The following ARSJ variants were observed in gnomAD, a reference collection of about 807,000 sequenced individuals.
The protein encoded by ARSJ is arylsulfatase J.
In ARSJ, 26 loss-of-function variants were observed where a neutral mutation model predicts 35.9. The ratio of observed to expected loss-of-function variants is 0.72; its 90% CI spans 0.53 to 1.00. The LOEUF (loss-of-function observed/expected upper bound fraction) is 1.00, where lower values mean the gene tolerates loss of function less well. ARSJ is among the 50% of genes least tolerant of loss of function. The probability of loss-of-function intolerance (pLI) is 0.00; values close to 1 mark genes in which losing one functional copy is unlikely to be tolerated. For synonymous variants in ARSJ, 294 were observed against 267.6 expected (o/e 1.10, Z -0.96); for missense variants, 667 against 723.6 (o/e 0.92, Z 0.90).
chr4:113,902,861 C>T lies in ARSJ; in HGVS notation c.1213G>A (p.Glu405Lys). 6.2e-7 allele frequency: 1 copy of T among 1,614,150 alleles called. No individual in the cohort carries two copies. The highest frequency in any genetic ancestry group is 8.5e-7 in the Non-Finnish European group (1 of 1,180,030). The change falls in exon 2 of 2, where the codon GAG becomes AAG. Residue 405 changes from glutamate (E) to lysine (K), a missense_variant. Physicochemically the swap from Glu to Lys is moderately conservative, Grantham distance 56. Transcript: ENST00000315366. ...DIQLDGYDIWETISEGLRSPR... is the reference protein window; with the variant it reads ...DIQLDGYDIWKTISEGLRSPR... ...GAGCGAAGACCCTCACTTATGGTCT[C>T]CCAGATATCATAGCCATCTAGTTGA...
intron 1 of ARSJ, among the ~76,000 whole-genome samples, chr4:113,939,846 G>A (rs952231055): frequency 3.3e-5 from 5 of 151,970 alleles, no homozygotes; most frequent in Non-Finnish European, 5.9e-5. Context: ...AGTAGGTTGC[G>A]AAAATTTTCT....
In ARSJ at chr4:113,902,817, C is replaced by T; in HGVS notation, c.1257G>A (p.Leu419=). 1 of 1,614,176 alleles carries T rather than the reference C, an allele frequency of 6.2e-7. No individual in the cohort carries two copies. Among genetic ancestry groups the T allele is most frequent in the Non-Finnish European group, 8.5e-7 (1 of 1,180,032 alleles). Residue 419 remains leucine (L), a synonymous_variant, in exon 2 of 2, where the codon TTG becomes TTA. Coordinates refer to ENST00000315366, the MANE Select transcript of ARSJ (RefSeq NM_024590.4). Reference sequence around the variant, plus strand: ...TGGTGTATATGGGGTCAATGTTATGCAAAATATCTACTCGGGGTGAGCGAA... The same window carrying T: ...TGGTGTATATGGGGTCAATGTTATGTAAAATATCTACTCGGGGTGAGCGAA... ...EGLRSPRVDI[L]HNIDPIYTKA... is the part of the protein sequence containing the mutation.
intron 1 of ARSJ, among the ~76,000 whole-genome samples, chr4:113,921,030 A>G (rs778599289): frequency 1.3e-4 from 19 of 151,930 alleles, no homozygotes; most frequent in Non-Finnish European, 2.1e-4. Flanking sequence ...GAGTTGATTT[A>G]GATTCATCCA....
At chr4:113,904,211 G>A (rs964897683) in intron 1 of ARSJ, among the ~76,000 whole-genome samples, 9 of 152,064 alleles carry the variant, frequency 5.9e-5, no homozygotes, top group African/African-American at 1.7e-4. Context: ...TTACAGGTGC[G>A]AAGCCACTGT....
At chr4:113,936,986 A>G (rs997948320) in intron 1 of ARSJ, among the ~76,000 whole-genome samples, 1 of 151,970 alleles carries the variant, frequency 6.6e-6, no homozygotes, top group Non-Finnish European at 1.5e-5. Context: ...GCAATCTTGT[A>G]AAATTCAAAA....
chr4:113,935,888 C>A lies in ARSJ; in HGVS notation c.399-32213G>T, dbSNP rs966839820. ...TTCCATTAGGTAGCTGCTTCCCACA[C>A]TTCATATATAGGCACTTGAATGTGT... On this transcript the variant is annotated intron_variant, in intron 1 of 1. Coordinates refer to ENST00000315366, the MANE Select transcript of ARSJ (RefSeq NM_024590.4). Among the ~76,000 whole-genome samples the A allele has an allele frequency of 3.9e-5, 6 of 151,966 alleles. No homozygotes were observed. In the East Asian group the frequency reaches 1.2e-3, roughly 29 times the overall value.
chr4:113,964,173 G>C (rs947718026), intron 1 of ARSJ, among the ~76,000 whole-genome samples: 1 of 151,928 alleles, frequency 6.6e-6, no homozygotes, highest in Non-Finnish European at 1.5e-5. Flanking sequence ...AGCTAAGATG[G>C]CCATAACACT....
chr4:113,917,796 T>C (rs1377606207), intron 1 of ARSJ, among the ~76,000 whole-genome samples: 3 of 152,150 alleles, frequency 2.0e-5, no homozygotes, highest in Non-Finnish European at 4.4e-5. Context: ...TGTTATCCTG[T>C]AAAACAATAT....
At chr4:113,951,148 T>C (rs756738391) in intron 1 of ARSJ, among the ~76,000 whole-genome samples, 4 of 152,068 alleles carry the variant, frequency 2.6e-5, no homozygotes, top group Non-Finnish European at 5.9e-5. Flanking sequence ...ATGCTTCCAA[T>C]ATGGGGAAGT....
intron 1 of ARSJ, among the ~76,000 whole-genome samples, chr4:113,966,106 A>G (rs918634150): frequency 1.3e-5 from 2 of 151,928 alleles, no homozygotes; most frequent in African/African-American, 2.4e-5. Context: ...TCAATTATAG[A>G]ATAGATAATT....
At chr4:113,952,345 T>C (rs567347128) in intron 1 of ARSJ, among the ~76,000 whole-genome samples, 1 of 152,226 alleles carries the variant, frequency 6.6e-6, no homozygotes, top group Admixed American at 6.5e-5. Context: ...TTTTTTAAAA[T>C]CAGGGAACCA....
chr4:113,920,077 C>T (rs1482553959), intron 1 of ARSJ, among the ~76,000 whole-genome samples: 1 of 152,006 alleles, frequency 6.6e-6, no homozygotes, highest in Non-Finnish European at 1.5e-5. Context: ...TTAATATTCC[C>T]TCATGTATTT....
chr4:113,909,970 A>G (rs2099669953), intron 1 of ARSJ, among the ~76,000 whole-genome samples: 1 of 152,220 alleles, frequency 6.6e-6, no homozygotes, highest in African/African-American at 2.4e-5. Context: ...TTTGTATAAT[A>G]TGAAATTAGT....
Position 113,979,369 on chromosome 4 carries a change from AC to A in ARSJ, c.-536del, listed in dbSNP as rs1422171871. On this transcript the variant is annotated 5_prime_UTR_variant, in exon 1 of 2. Coordinates refer to ENST00000315366, the MANE Select transcript of ARSJ (RefSeq NM_024590.4). ...TCAGACAGATAAACTGCCGTAGTGG[AC>A]CGGCCTCCTGATCACCTTCTCCACT... The A allele has an allele frequency of 6.5e-6, 1 of 153,312 alleles. No individual in the cohort carries two copies. Among genetic ancestry groups the A allele is most frequent in the Non-Finnish European group, 1.5e-5 (1 of 68,892 alleles). The allele number at this position is 153,312 out of a possible 1,614,324, so 9.5% of individuals were successfully genotyped here. A position where few individuals can be genotyped will look rare whatever the true frequency, so the allele number is the denominator to read the frequency against.
At chr4:113,947,634 A>G (rs1386875365) in intron 1 of ARSJ, among the ~76,000 whole-genome samples, 3 of 151,602 alleles carry the variant, frequency 2.0e-5, no homozygotes, top group African/African-American at 7.3e-5. Context: ...AGGGAAAGGA[A>G]GGAAGGAAGG....
intron 1 of ARSJ, among the ~76,000 whole-genome samples, chr4:113,940,209 A>G (rs1044636567): frequency 3.9e-5 from 6 of 152,176 alleles, no homozygotes; most frequent in African/African-American, 1.4e-4. Flanking sequence ...CTGCAACACT[A>G]TTCACAATAG....
intron 1 of ARSJ, among the ~76,000 whole-genome samples, chr4:113,907,894 A>G (rs1562333303): frequency 6.6e-6 from 1 of 152,146 alleles, no homozygotes; most frequent in Non-Finnish European, 1.5e-5. Context: ...CTTTGATTGC[A>G]CATGAACACA....
At chr4:113,906,861 T>C (rs1263198872) in intron 1 of ARSJ, 4 of 360,844 alleles carry the variant, frequency 1.1e-5, no homozygotes, top group South Asian at 6.4e-5. Flanking sequence ...CCCAGAATGC[T>C]GAATCGGTGT....
At chr4:113,947,208 T>A (rs981061318) in intron 1 of ARSJ, among the ~76,000 whole-genome samples, 4 of 152,054 alleles carry the variant, frequency 2.6e-5, no homozygotes, top group African/African-American at 7.2e-5. Context: ...AGGCCAGATG[T>A]GGTGGCTGAG....
Sources: allele counts gnomAD v4.1 joint callset (sites outside exome capture counted in the v4.1 genomes callset), GRCh38; gene constraint gnomAD v4.1.1; transcripts MANE v1.5; gene names NCBI Gene and HGNC (gene_info 2026-07-23, HGNC 2026-07-21).